The following NCOA1 variants were observed in gnomAD, a reference collection of about 807,000 sequenced individuals.
NCOA1 encodes Hin-2 protein.
A neutral mutation model predicts 150.9 loss-of-function variants in NCOA1; 35 were observed. That is an observed-to-expected ratio of 0.23 (90% CI 0.18 to 0.31). The LOEUF is 0.31. Ranked by LOEUF, NCOA1 falls within the 10% of genes least tolerant of loss-of-function variation. NCOA1 has a pLI of 1.00. For synonymous variants in NCOA1, 590 were observed against 630.0 expected (o/e 0.94, Z 0.95); for missense variants, 1,491 against 1,749.3 (o/e 0.85, Z 2.63).
chr2:24,750,240 TAACA>T (rs1221025595), intron 19 of NCOA1, among the ~76,000 whole-genome samples: 1 of 152,150 alleles, frequency 6.6e-6, no homozygotes, highest in African/African-American at 2.4e-5. Context: ...TTGGAGAAAT[TAACA>T]AACTTATCCT....
intron 6 of NCOA1, among the ~76,000 whole-genome samples, chr2:24,670,871 G>A (rs948991320): frequency 5.9e-5 from 9 of 152,170 alleles, no homozygotes; most frequent in Non-Finnish European, 1.0e-4. Flanking sequence ...AATAGTATGT[G>A]AGATAACATT....
intron 1 of NCOA1, among the ~76,000 whole-genome samples, chr2:24,539,271 G>A (rs1665291959): frequency 6.6e-6 from 1 of 152,146 alleles, no homozygotes; most frequent in East Asian, 1.9e-4. Flanking sequence ...GCCTCTGAAA[G>A]TGGGTTTTGT....
chr2:24,764,219 G>A (rs1420163313), intron 22 of NCOA1, among the ~76,000 whole-genome samples: 1 of 152,192 alleles, frequency 6.6e-6, no homozygotes, highest in African/African-American at 2.4e-5. Context: ...GCTAGAAAGA[G>A]GAAGAGCTGA....
rs1049016 is a variant in NCOA1 at position 24,706,868 on chromosome 2, T to A, written c.1398T>A (p.Asn466Lys). The A allele has an allele frequency of 1.9e-6, 3 of 1,614,138 alleles. No homozygotes were observed. Among genetic ancestry groups the A allele is most frequent in the Admixed American group, 3.3e-5 (2 of 60,024 alleles). ...GACAGGCCAGTTCACAGAGCAGTAATCCCTCTTTAAACCTCAATAATTCTC... is the reference window on the plus strand; with the variant it reads ...GACAGGCCAGTTCACAGAGCAGTAAACCCTCTTTAAACCTCAATAATTCTC... Reference protein sequence around the residue: ...NQGQASSQSSNPSLNLNNSPM... With the variant: ...NQGQASSQSSKPSLNLNNSPM... The change falls in exon 13 of 23, where the codon AAT (asparagine) becomes AAA (lysine). Residue 466 changes from asparagine (N) to lysine (K), a missense_variant. Physicochemically the swap from Asn to Lys is moderately conservative, Grantham distance 94. This residue lies in a region of NCOA1 where 703 missense variants were observed against 717.7 expected (regional missense o/e 0.98). Coordinates refer to ENST00000348332, the MANE Select transcript of NCOA1 (RefSeq NM_003743.5).
At chr2:24,652,122 A>C (rs113187975) in intron 4 of NCOA1, among the ~76,000 whole-genome samples, 8 of 152,254 alleles carry the variant, frequency 5.3e-5, no homozygotes, top group African/African-American at 1.9e-4. Context: ...AAAAGTGAAA[A>C]CTACCTAAAT....
chr2:24,569,552 A>ATTTTTTTTTTTTTTTTTTTTTTTTTT (rs200639064), intron 2 of NCOA1, among the ~76,000 whole-genome samples: 2 of 93,794 alleles, frequency 2.1e-5, no homozygotes, highest in African/African-American at 8.0e-5. Context: ...GGTTTTATTA[A>ATTTTTTTTTTTTTTTTTTTTTTTTTT]TTTTTTTTTT....
intron 5 of NCOA1, 30 bp from the exon 6 acceptor site, chr2:24,665,719 T>C: frequency 6.8e-7 from 1 of 1,465,256 alleles, no homozygotes; most frequent in Middle Eastern, 1.8e-4. Flanking sequence ...GATACAAATG[T>C]ACACTAACTG....
intron 1 of NCOA1, among the ~76,000 whole-genome samples, chr2:24,522,236 A>T (rs1437269505): frequency 2.0e-5 from 3 of 152,314 alleles, no homozygotes; most frequent in Non-Finnish European, 2.9e-5. Flanking sequence ...TTGAGTTTTC[A>T]TAATGACTTA....
At position 24,665,908 on chromosome 2, in the gene NCOA1, G is replaced by A. The variant is rs1572562743; in HGVS notation, c.249G>A (p.Met83Ile). 1.4e-6 allele frequency: 2 copies of A among 1,461,584 alleles called. No individual in the cohort carries two copies. The allele number at this position is 1,461,584 out of a possible 1,614,324, so 90.5% of individuals were successfully genotyped here. A position where few individuals can be genotyped will look rare whatever the true frequency, so the allele number is the denominator to read the frequency against. Residue 83 changes from methionine to isoleucine, a missense_variant, in exon 6 of 23, where the codon ATG (methionine) becomes ATA (isoleucine). By Grantham distance (10) the Met-to-Ile change is conservative (BLOSUM62 1). This residue lies in a region of NCOA1 where 80 missense variants were observed against 163.0 expected (regional missense o/e 0.49). Transcript: ENST00000348332. ...TVDQIQLMKR[M>I]EQEKSTTDDD... ...ATCAGATACAGCTAATGAAGAGAAT[G>A]GAACAAGGTAAAAAAGAAAAAGAAA...
intron 1 of NCOA1, among the ~76,000 whole-genome samples, chr2:24,509,207 C>T (rs971759795): frequency 1.4e-4 from 22 of 152,298 alleles, no homozygotes; most frequent in African/African-American, 5.1e-4. Flanking sequence ...TTATAACAAT[C>T]CTGTAAGCCA....
In NCOA1 at chr2:24,581,382, T is replaced by C. The variant is rs1348308935; in HGVS notation, c.-259-3094T>C. On this transcript the variant is annotated intron_variant, in intron 2 of 22. Transcript: ENST00000348332. ...ATTGTGGGGAGAATTGAGTGCCTTATTACAGCCGGAGGAGAGCAGACATCT... is the reference window on the plus strand; with the variant it reads ...ATTGTGGGGAGAATTGAGTGCCTTACTACAGCCGGAGGAGAGCAGACATCT... Among the ~76,000 whole-genome samples the C allele has an allele frequency of 2.6e-5, 4 of 152,228 alleles. 1 individual carries two copies. Among genetic ancestry groups the C allele is most frequent in the Non-Finnish European group, 2.9e-5 (2 of 68,032 alleles).
intron 1 of NCOA1, among the ~76,000 whole-genome samples, chr2:24,526,589 T>C (rs1362320094): frequency 6.6e-6 from 1 of 152,196 alleles, no homozygotes; most frequent in Non-Finnish European, 1.5e-5. Context: ...AAAGACTTCA[T>C]ACTGTTCTTC....
intron 3 of NCOA1, among the ~76,000 whole-genome samples, chr2:24,619,701 T>C (rs563994741): frequency 6.6e-6 from 1 of 152,278 alleles, no homozygotes; most frequent in Non-Finnish European, 1.5e-5. Flanking sequence ...ACAGATTGGT[T>C]TTGATCCTTA....
intron 14 of NCOA1, among the ~76,000 whole-genome samples, chr2:24,718,426 A>G (rs1193357173): frequency 6.6e-6 from 1 of 152,164 alleles, no homozygotes; most frequent in East Asian, 1.9e-4. Flanking sequence ...AGTTAATCAT[A>G]CATTTACCAT....
chr2:24,758,392 G>A (rs2148691781), intron 21 of NCOA1, among the ~76,000 whole-genome samples: 1 of 144,036 alleles, frequency 6.9e-6, no homozygotes, highest in East Asian at 2.0e-4. Context: ...GTACAGTGGT[G>A]CAATTACAGC....
intron 1 of NCOA1, among the ~76,000 whole-genome samples, chr2:24,543,031 C>G (rs1665464130): frequency 6.6e-6 from 1 of 152,120 alleles, no homozygotes; most frequent in Non-Finnish European, 1.5e-5. Context: ...ACAGGGTTGT[C>G]TTATTCTGTT....
At chr2:24,601,540 T>G (rs553569048) in intron 3 of NCOA1, among the ~76,000 whole-genome samples, 5 of 151,664 alleles carry the variant, frequency 3.3e-5, no homozygotes, top group African/African-American at 1.2e-4. Flanking sequence ...TAATGCCACA[T>G]CTTTTTCTGA....
intron 3 of NCOA1, among the ~76,000 whole-genome samples, chr2:24,591,749 TC>T (rs1171440960): frequency 1.3e-5 from 2 of 152,138 alleles, no homozygotes; most frequent in Non-Finnish European, 2.9e-5. Context: ...TACTTATCTT[TC>T]AGGTCTCTTC....
chr2:24,500,695 C>T (rs922619325), intron 1 of NCOA1, among the ~76,000 whole-genome samples: 2 of 152,108 alleles, frequency 1.3e-5, no homozygotes, highest in Non-Finnish European at 2.9e-5. Flanking sequence ...AGTATTTTTT[C>T]ACAAAAAGAC....
Sources: gnomAD v4.1 joint callset for allele counts (sites outside exome capture counted in the v4.1 genomes callset) on GRCh38, gnomAD v4.1.1 for gene constraint, gnomAD v4.1.1 regional missense constraint, MANE v1.5 for transcripts, NCBI Gene and HGNC (gene_info 2026-07-23, HGNC 2026-07-21) for gene names.